TXNRD2: variants seen among roughly 807,000 people sequenced by gnomAD.
TXNRD2 encodes the protein thioredoxin reductase 2.
A neutral mutation model predicts 70.8 loss-of-function variants in TXNRD2; 67 were observed. That is an observed-to-expected ratio of 0.95 (90% confidence interval 0.78 to 1.16). The LOEUF is 1.16. Among genes scored for constraint, TXNRD2 ranks in the 50% most tolerant of loss-of-function variants. The pLI is 0.00. For synonymous variants in TXNRD2, 301 were observed against 295.8 expected (o/e 1.02, Z -0.18); for missense variants, 644 against 719.9 (o/e 0.89, Z 1.21).
chr22:19,896,816 C>T (rs1008556767), intron 10 of TXNRD2, among the ~76,000 whole-genome samples: 6 of 152,160 alleles, frequency 3.9e-5, no homozygotes, highest in African/African-American at 1.4e-4. Context: ...GTCTGGCCCG[C>T]CGGGCAGGGC....
intron 2 of TXNRD2, among the ~76,000 whole-genome samples, chr22:19,921,414 CA>C (rs34252435): frequency 0.026 from 1,975 of 75,432 alleles, 32 homozygotes; most frequent in African/African-American, 0.079. Context: ...GACCCTGTCT[CA>C]AAAAAAAAAA....
intron 1 of TXNRD2, among the ~76,000 whole-genome samples, chr22:19,936,412 G>A (rs1005271080): frequency 2.0e-5 from 3 of 151,870 alleles, no homozygotes; most frequent in African/African-American, 4.8e-5. Flanking sequence ...TTCTTTTCAC[G>A]AAGAGCCGAC....
At chr22:19,918,514 G>T (rs1221610742) in intron 4 of TXNRD2, among the ~76,000 whole-genome samples, 2 of 152,128 alleles carry the variant, frequency 1.3e-5, no homozygotes, top group East Asian at 1.9e-4. Context: ...GCCAATGTGG[G>T]TGTGGCTGGG....
chr22:19,893,087 G>A (rs1027627482), intron 11 of TXNRD2, among the ~76,000 whole-genome samples: 3 of 152,156 alleles, frequency 2.0e-5, no homozygotes, highest in Admixed American at 2.0e-4. Context: ...TTTCCTTTCT[G>A]ATTTCCCATT....
At chr22:19,917,974 C>G (rs1445721484) in intron 5 of TXNRD2, among the ~76,000 whole-genome samples, 169 bp downstream of exon 5, 3 of 152,200 alleles carry the variant, frequency 2.0e-5, no homozygotes, top group African/African-American at 7.2e-5. Flanking sequence ...TCCCCTTCCC[C>G]TACAGTCACT....
chr22:19,885,572 G>C (rs1414339072), intron 11 of TXNRD2, among the ~76,000 whole-genome samples: 1 of 152,208 alleles, frequency 6.6e-6, no homozygotes, highest in East Asian at 1.9e-4. Context: ...TCAGAGGAAG[G>C]AGCTGGGCCC....
At position 19,885,473 on chromosome 22, in the gene TXNRD2, TC is replaced by T. The variant is rs566044401; in HGVS notation, c.950-2013del. ...AGCTTGCGGGAGGCCGGCTCCAGCC[TC>T]TGTGCTCTGCTCAGCCGCAGGAATT... On this transcript the variant is annotated intron_variant, in intron 11 of 17. Transcript: ENST00000400521. 3.5e-5 allele frequency among the ~76,000 whole-genome samples: 5 copies of T among 142,428 alleles called. No homozygotes were observed. The South Asian group carries it at 8.7e-4, about 25-fold the overall frequency. The allele number at this position is 142,428 out of a possible 152,430, so 93.4% of individuals were successfully genotyped here. A position where few individuals can be genotyped will look rare whatever the true frequency, so the allele number is the denominator to read the frequency against.
intron 9 of TXNRD2, among the ~76,000 whole-genome samples, chr22:19,898,462 C>A (rs1464150594): frequency 6.6e-6 from 1 of 151,018 alleles, no homozygotes; most frequent in Non-Finnish European, 1.5e-5. Context: ...ACGGGAGATG[C>A]CAGGCAGCTG....
chr22:19,877,628 T>C (rs1938569267), intron 16 of TXNRD2, among the ~76,000 whole-genome samples: 1 of 152,150 alleles, frequency 6.6e-6, no homozygotes, highest in African/African-American at 2.4e-5. Context: ...CCATGCACAA[T>C]GTCCCAACCT....
chr22:19,903,118 C>G (rs998659585), intron 8 of TXNRD2: 12 of 490,584 alleles, frequency 2.4e-5, no homozygotes, highest in African/African-American at 3.9e-5. Context: ...TGGCTGCAGC[C>G]CCTCCCCCAG....
At chr22:19,877,878 T>C (rs1938579555) in intron 16 of TXNRD2, among the ~76,000 whole-genome samples, 2 of 152,034 alleles carry the variant, frequency 1.3e-5, no homozygotes, top group Non-Finnish European at 1.5e-5. Context: ...CACCTGGCTC[T>C]GGCTGGCTCA....
chr22:19,888,635 C>T (rs1417525014), intron 11 of TXNRD2, among the ~76,000 whole-genome samples: 4 of 152,158 alleles, frequency 2.6e-5, no homozygotes, highest in East Asian at 3.9e-4. Flanking sequence ...CGCCTGAGGA[C>T]GAGGGTGTGG....
At chr22:19,926,730 G>T (rs1286517057) in intron 2 of TXNRD2, among the ~76,000 whole-genome samples, 1 of 152,118 alleles carries the variant, frequency 6.6e-6, no homozygotes, top group African/African-American at 2.4e-5. Flanking sequence ...GCAGTGAGCC[G>T]AGATGGTGCC....
At chr22:19,927,854 C>T (rs12159845) in intron 2 of TXNRD2, among the ~76,000 whole-genome samples, 5 of 152,054 alleles carry the variant, frequency 3.3e-5, no homozygotes, top group African/African-American at 9.7e-5. Flanking sequence ...TGAACCCAGT[C>T]GTCCTCGGGT....
chr22:19,910,162 C>G (rs555221367), intron 8 of TXNRD2, among the ~76,000 whole-genome samples: 2 of 152,344 alleles, frequency 1.3e-5, no homozygotes, highest in East Asian at 3.9e-4. Flanking sequence ...CTCCACACCC[C>G]ACAGGCAGGA....
At chr22:19,902,674 C>A (rs1260664105) in intron 8 of TXNRD2, among the ~76,000 whole-genome samples, 1 of 152,198 alleles carries the variant, frequency 6.6e-6, no homozygotes, top group Admixed American at 6.5e-5. Flanking sequence ...GGCCCTGTAA[C>A]AAATGCCACT....
chr22:19,932,753 G>A (rs1029106242), intron 1 of TXNRD2, among the ~76,000 whole-genome samples: 6 of 152,310 alleles, frequency 3.9e-5, no homozygotes, highest in African/African-American at 1.4e-4. Flanking sequence ...ATCTGGAGCC[G>A]GTCGCTGCTT....
chr22:19,925,075 G>A (rs1000810850), intron 2 of TXNRD2, among the ~76,000 whole-genome samples: 1 of 150,636 alleles, frequency 6.6e-6, no homozygotes, highest in Non-Finnish European at 1.5e-5. Context: ...ACAAGGTCAG[G>A]AGATCGAGAC....
chr22:19,892,173 C>A (rs993190394), intron 11 of TXNRD2, among the ~76,000 whole-genome samples: 7 of 152,256 alleles, frequency 4.6e-5, no homozygotes, highest in African/African-American at 1.7e-4. Flanking sequence ...GCCCCTAGGG[C>A]GCTTTATTTT....
Sources: allele counts gnomAD v4.1 joint callset (sites outside exome capture counted in the v4.1 genomes callset), GRCh38; gene constraint gnomAD v4.1.1; transcripts MANE v1.5; gene names NCBI Gene and HGNC (gene_info 2026-07-23, HGNC 2026-07-21).